The following EHBP1 variants were observed in gnomAD, a reference collection of about 807,000 sequenced individuals.
EHBP1 encodes the protein EH domain-binding protein 1.
Under a neutral mutation model 144.0 loss-of-function variants are expected in EHBP1, and 55 were observed. The observed-to-expected ratio is 0.38, with a 90% CI of 0.31 to 0.48. The LOEUF is 0.48. EHBP1 is among the 20% of genes least tolerant of loss of function. EHBP1 has a pLI of 0.98. For missense variants in EHBP1, 1,200 were observed against 1,364.2 expected, an observed-to-expected ratio of 0.88 and a Z score of 1.90; for synonymous variants, 469 against 472.7, an observed-to-expected ratio of 0.99 and a Z score of 0.10.
rs201636695 is a variant in EHBP1, at chr2:62,871,080, CAT to C, written c.999-3265_999-3264del. Among the ~76,000 whole-genome samples the C allele has an allele frequency of 9.3e-3, 1,411 of 152,186 alleles. 15 individuals carry two copies. The highest frequency in any genetic ancestry group is 0.029 in the African/African-American group (1,186 of 41,532). On this transcript the variant is annotated intron_variant, in intron 9 of 22. Transcript: ENST00000431489. ...TGTTTGTTTTCTTTGAAATAGCTAACATGTGATTGAAATAAAATTTCTCATGG... is the reference window on the plus strand; with the variant it reads ...TGTTTGTTTTCTTTGAAATAGCTAACGTGATTGAAATAAAATTTCTCATGG...
chr2:62,902,214 A>G (rs1173019798), intron 10 of EHBP1, among the ~76,000 whole-genome samples: 1 of 152,190 alleles, frequency 6.6e-6, no homozygotes, highest in African/African-American at 2.4e-5. Context: ...TGACCTATGC[A>G]TGAATAAATA....
chr2:62,905,800 G>A (rs773408590), intron 10 of EHBP1, among the ~76,000 whole-genome samples: 66 of 152,182 alleles, frequency 4.3e-4, no homozygotes, highest in Non-Finnish European at 6.6e-4. Context: ...CTCCAGCCTG[G>A]GCGACAGGGT....
chr2:62,825,365 A>G (rs1190711198), intron 5 of EHBP1, among the ~76,000 whole-genome samples: 1 of 152,084 alleles, frequency 6.6e-6, no homozygotes, highest in Non-Finnish European at 1.5e-5. Flanking sequence ...AGTACTTTTG[A>G]TAGCAAATAG....
chr2:62,983,489 C>G (rs904919137), intron 15 of EHBP1, among the ~76,000 whole-genome samples: 1 of 152,032 alleles, frequency 6.6e-6, no homozygotes, highest in African/African-American at 2.4e-5. Context: ...TAGCTTATCA[C>G]TTTGGTTTAG....
intron 2 of EHBP1, among the ~76,000 whole-genome samples, chr2:62,744,247 G>T (rs1395320926): frequency 1.3e-5 from 2 of 152,114 alleles, no homozygotes; most frequent in African/African-American, 4.8e-5. Context: ...TGTTAAATAT[G>T]TAGTTGTTGA....
intron 14 of EHBP1, chr2:62,955,950 A>G (rs1346361097): frequency 4.3e-6 from 1 of 230,350 alleles, no homozygotes; most frequent in South Asian, 1.7e-4. Flanking sequence ...CTGTAGTTGT[A>G]CTCTAAGATT....
At position 62,818,359 on chromosome 2, in the gene EHBP1, C is replaced by T. The variant is rs189362450; in HGVS notation, c.313-7728C>T. On this transcript the variant is annotated intron_variant, in intron 5 of 22. Coordinates refer to ENST00000431489, the MANE Select transcript of EHBP1 (RefSeq NM_001142616.3). ...TTTTACTGCACCTTTTCCAAGTTTA[C>T]GTATGTTTAGATGCACAAAACCTAC... Among the ~76,000 whole-genome samples, 6 of 152,044 alleles carry T rather than the reference C, an allele frequency of 3.9e-5. No individual in the cohort carries two copies. In the East Asian group the frequency reaches 1.2e-3, roughly 30 times the overall value.
chr2:62,846,600 C>G (rs1157194012), intron 7 of EHBP1, among the ~76,000 whole-genome samples: 2 of 152,134 alleles, frequency 1.3e-5, no homozygotes, highest in East Asian at 3.9e-4. Flanking sequence ...GATGTTTGCT[C>G]TTACCATTCA....
chr2:62,779,368 C>T (rs989989778), intron 5 of EHBP1, among the ~76,000 whole-genome samples: 13 of 152,174 alleles, frequency 8.5e-5, no homozygotes, highest in African/African-American at 3.1e-4. Flanking sequence ...TTTATATATA[C>T]AGTAAACTTT....
At chr2:62,805,282 G>A (rs372208475) in intron 5 of EHBP1, among the ~76,000 whole-genome samples, 1 of 151,784 alleles carries the variant, frequency 6.6e-6, no homozygotes, top group Non-Finnish European at 1.5e-5. Flanking sequence ...TTATGGTATG[G>A]TATTTATTGA....
At chr2:63,040,731 A>G (rs542933179) in intron 21 of EHBP1, among the ~76,000 whole-genome samples, 1 of 152,294 alleles carries the variant, frequency 6.6e-6, no homozygotes, top group South Asian at 2.1e-4. Context: ...CAGCCTGTTG[A>G]TTACAAATAA....
intron 19 of EHBP1, among the ~76,000 whole-genome samples, chr2:63,035,999 G>C (rs892870369): frequency 9.2e-5 from 14 of 151,916 alleles, no homozygotes; most frequent in African/African-American, 1.2e-4. Flanking sequence ...AGTCGGCTTC[G>C]TACCATTAGT....
intron 1 of EHBP1, among the ~76,000 whole-genome samples, chr2:62,685,546 G>T (rs2033690086): frequency 6.6e-6 from 1 of 152,070 alleles, no homozygotes. Flanking sequence ...TATTGGACTA[G>T]GGTCCACCTG....
At chr2:63,027,885 A>G (rs2061051090) in intron 19 of EHBP1, among the ~76,000 whole-genome samples, 1 of 152,208 alleles carries the variant, frequency 6.6e-6, no homozygotes, top group East Asian at 1.9e-4. Context: ...GAATACGTTC[A>G]CCAAATCTAT....
intron 10 of EHBP1, among the ~76,000 whole-genome samples, chr2:62,895,080 A>G (rs12999893): frequency 1.2e-3 from 183 of 152,336 alleles, no homozygotes; most frequent in Non-Finnish European, 2.1e-3. Context: ...CATTCTACTT[A>G]CATGGCATTC....
rs1263366782 is a variant in EHBP1 at position 63,034,145 on chromosome 2, C to T, written c.3104-3390C>T. 2.6e-5 allele frequency among the ~76,000 whole-genome samples: 4 copies of T among 151,910 alleles called. No individual in the cohort carries two copies. In the East Asian group the frequency reaches 7.7e-4, roughly 29 times the overall value. On this transcript the variant is annotated intron_variant, in intron 19 of 22. Coordinates refer to ENST00000431489, the MANE Select transcript of EHBP1 (RefSeq NM_001142616.3). ...AGAGATTATATTAAGTAGTCCAATA[C>T]TTTAAAATGTTAAGGCTAAAACTAG...
At chr2:63,041,155 C>G (rs901886517) in intron 21 of EHBP1, among the ~76,000 whole-genome samples, 2 of 149,660 alleles carry the variant, frequency 1.3e-5, no homozygotes, top group East Asian at 3.9e-4. Context: ...GGTTTGAGAG[C>G]AAAAAAAAAT....
At chr2:62,858,488 T>C (rs1209174546) in intron 7 of EHBP1, 1 of 1,610,990 alleles carries the variant, frequency 6.2e-7, no homozygotes, top group African/African-American at 1.3e-5. Context: ...TGCGTTCAGC[T>C]AAATCAGCCA....
At chr2:62,848,095 T>C (rs2048423245) in intron 7 of EHBP1, among the ~76,000 whole-genome samples, 2 of 150,542 alleles carry the variant, frequency 1.3e-5, no homozygotes, top group South Asian at 2.1e-4. Context: ...TTTTTTTTTT[T>C]CTTGAGACAG....
Sources: allele counts gnomAD v4.1 joint callset (sites outside exome capture counted in the v4.1 genomes callset), GRCh38; gene constraint gnomAD v4.1.1; transcripts MANE v1.5; gene names NCBI Gene and HGNC (gene_info 2026-07-23, HGNC 2026-07-21).